The following CGGBP1 variants were observed in gnomAD, a reference collection of about 807,000 sequenced individuals.
CGGBP1 encodes CGG triplet repeat binding protein 1, also known as CGG triplet repeat-binding protein 1.
CGGBP1 carries 4 observed loss-of-function variants against 11.4 expected under a neutral mutation model. The observed-to-expected ratio is 0.35, with a 90% CI of 0.17 to 0.80. CGGBP1 has a LOEUF of 0.80. Ranked by LOEUF, CGGBP1 falls within the 30% of genes least tolerant of loss-of-function variation. The pLI, the probability that CGGBP1 is intolerant of heterozygous loss-of-function variation, is 0.52. For synonymous variants in CGGBP1, 76 were observed against 74.1 expected (o/e 1.03, Z -0.13); for missense variants, 135 against 202.1 (o/e 0.67, Z 2.01).
At chr3:88,132,752 A>G (rs1706541327) in intron 2 of CGGBP1, among the ~76,000 whole-genome samples, 1 of 152,216 alleles carries the variant, frequency 6.6e-6, no homozygotes, top group Admixed American at 6.5e-5. Context: ...ATCTCTCTTA[A>G]TTCTTTTAAT....
chr3:88,141,897 A>G (rs997113214), intron 1 of CGGBP1: 1 of 357,846 alleles, frequency 2.8e-6, no homozygotes, highest in Non-Finnish European at 5.1e-6. Flanking sequence ...ACAGTTTATG[A>G]TGATTAATAG....
chr3:88,090,874 T>G (rs1426988457), intron 2 of CGGBP1, among the ~76,000 whole-genome samples: 2 of 152,130 alleles, frequency 1.3e-5, no homozygotes, highest in Non-Finnish European at 1.5e-5. Flanking sequence ...AAAAAAAAAT[T>G]GCAAAAAGAT....
At chr3:88,135,984 A>G (rs999860486) in intron 2 of CGGBP1, among the ~76,000 whole-genome samples, 9 of 152,218 alleles carry the variant, frequency 5.9e-5, no homozygotes, top group African/African-American at 2.2e-4. Context: ...CACTCATTAG[A>G]TGTATGATCA....
intron 1 of CGGBP1, chr3:88,144,617 TG>T (rs1707270066): frequency 6.6e-6 from 1 of 152,428 alleles, no homozygotes; most frequent in Admixed American, 6.6e-5. Flanking sequence ...AGAAATTTTT[TG>T]TACTGTACAT....
chr3:88,120,825 C>T (rs1250543347), intron 2 of CGGBP1, among the ~76,000 whole-genome samples: 2 of 151,818 alleles, frequency 1.3e-5, no homozygotes, highest in African/African-American at 2.4e-5. Context: ...GTGATTATAG[C>T]GTATTTTTGA....
chr3:88,140,759 A>G, intron 2 of CGGBP1: 3 of 1,613,738 alleles, frequency 1.9e-6, no homozygotes, highest in Non-Finnish European at 2.5e-6. Context: ...CTTCCAAACC[A>G]AATCTGACAA....
At chr3:88,139,270 G>A (rs9813894) in intron 2 of CGGBP1, 1,295,553 of 1,543,060 alleles carry the variant, frequency 0.84, 546,589 homozygotes, top group South Asian at 0.91. Context: ...ACAGCTCTCA[G>A]TACTTCCAAA....
intron 2 of CGGBP1, among the ~76,000 whole-genome samples, chr3:88,117,757 T>A (rs1705498649): frequency 6.6e-6 from 1 of 152,062 alleles, no homozygotes; most frequent in African/African-American, 2.4e-5. Context: ...TGGATGGAGA[T>A]AAGGAAGATA....
intron 2 of CGGBP1, among the ~76,000 whole-genome samples, chr3:88,104,975 C>T (rs1409593478): frequency 6.6e-6 from 1 of 152,178 alleles, no homozygotes; most frequent in East Asian, 1.9e-4. Flanking sequence ...CCTGTCTCTA[C>T]TAAAAATACC....
At chr3:88,090,018 T>C (rs1324436097) in intron 2 of CGGBP1, among the ~76,000 whole-genome samples, 1 of 152,222 alleles carries the variant, frequency 6.6e-6, no homozygotes, top group African/African-American at 2.4e-5. Flanking sequence ...AACCTACGGC[T>C]CTGCCAGTTA....
intron 2 of CGGBP1, among the ~76,000 whole-genome samples, chr3:88,094,494 A>G (rs1042810653): frequency 6.6e-6 from 1 of 152,130 alleles, no homozygotes; most frequent in African/African-American, 2.4e-5. Context: ...TAGTATTTAT[A>G]TCAGAATCTA....
In CGGBP1 at chr3:88,053,542, A is replaced by C. The variant is rs1253411623; in HGVS notation, c.*1931T>G. On this transcript the variant is annotated 3_prime_UTR_variant, in exon 4 of 4. Coordinates refer to ENST00000482016, the MANE Select transcript of CGGBP1 (RefSeq NM_001008390.2). ...ATCATCCAGTTTACTGCTTAGGACC[A>C]CTCTCAAAGCTGATCTGCCATTACA... is the stretch of plus-strand genomic sequence containing the variant. The C allele has an allele frequency of 6.6e-6, 1 of 152,172 alleles. No homozygotes were observed. The highest frequency in any genetic ancestry group is 2.4e-5 in the African/African-American group (1 of 41,422). The allele number at this position is 152,172 out of a possible 1,614,324, so 9.4% of individuals were successfully genotyped here.
intron 1 of CGGBP1, chr3:88,141,558 CAG>C: frequency 1.0e-6 from 1 of 961,868 alleles, no homozygotes; most frequent in South Asian, 2.5e-5. Flanking sequence ...TTTAAAATGA[CAG>C]GGTATAAATT....
At chr3:88,083,955 A>ATT (rs1030876640) in intron 2 of CGGBP1, among the ~76,000 whole-genome samples, 6 of 151,164 alleles carry the variant, frequency 4.0e-5, no homozygotes, top group African/African-American at 1.5e-4. Context: ...ATATATATAT[A>ATT]TATATATATA....
chr3:88,108,499 A>C (rs1704884042), intron 2 of CGGBP1, among the ~76,000 whole-genome samples: 1 of 152,212 alleles, frequency 6.6e-6, no homozygotes, highest in South Asian at 2.1e-4. Context: ...TGGTCCAAAA[A>C]TGTTAAATAG....
intron 2 of CGGBP1, among the ~76,000 whole-genome samples, chr3:88,074,726 A>G (rs1226578033): frequency 6.6e-6 from 1 of 152,208 alleles, no homozygotes; most frequent in East Asian, 1.9e-4. Flanking sequence ...AAATTTAGAA[A>G]TATACTAATA....
At chr3:88,139,220 A>G (rs1311818591) in intron 2 of CGGBP1, 1 of 1,475,234 alleles carries the variant, frequency 6.8e-7, no homozygotes, top group East Asian at 2.4e-5. Context: ...ATGTATCTGG[A>G]GTGCAGCCTA....
intron 2 of CGGBP1, among the ~76,000 whole-genome samples, chr3:88,078,637 C>T (rs1470899900): frequency 6.6e-6 from 1 of 152,076 alleles, no homozygotes; most frequent in Non-Finnish European, 1.5e-5. Flanking sequence ...CTCTAGCCAT[C>T]ACTATGGGTT....
intron 2 of CGGBP1, chr3:88,139,609 G>C: frequency 6.2e-7 from 1 of 1,613,716 alleles, no homozygotes; most frequent in South Asian, 1.1e-5. Context: ...ACTGCTTCTA[G>C]TGAAGGAAAC....
Sources: allele counts gnomAD v4.1 joint callset (sites outside exome capture counted in the v4.1 genomes callset), GRCh38; gene constraint gnomAD v4.1.1; transcripts MANE v1.5; gene names NCBI Gene and HGNC (gene_info 2026-07-23, HGNC 2026-07-21).